Variants in NUP160 observed in about 807,000 individuals in gnomAD.
The protein encoded by NUP160 is nuclear pore complex protein Nup160.
In NUP160, 94 loss-of-function variants were observed where a neutral mutation model predicts 196.9. The ratio of observed to expected loss-of-function variants is 0.48; its 90% confidence interval spans 0.40 to 0.57. NUP160 has a LOEUF of 0.57. NUP160 is among the 20% of genes least tolerant of loss of function. The probability of loss-of-function intolerance (pLI) is 0.00; values close to 1 mark genes in which losing one functional copy is unlikely to be tolerated. For synonymous variants in NUP160, 605 were observed against 619.7 expected, an observed-to-expected ratio of 0.98 and a Z score of 0.35; for missense variants, 1,638 against 1,748.3, an observed-to-expected ratio of 0.94 and a Z score of 1.13.
chr11:47,841,617 G>A, intron 2 of NUP160: 1 of 429,368 alleles, frequency 2.3e-6, no homozygotes, highest in Non-Finnish European at 4.7e-6. Context: ...GGAAGGCCAT[G>A]TGATCCTGGA....
At chr11:47,783,244 C>G (rs746500475) in intron 33 of NUP160, 46 bp from the exon 34 acceptor site, 5 of 1,588,850 alleles carry the variant, frequency 3.1e-6, no homozygotes, top group Non-Finnish European at 3.4e-6. Flanking sequence ...TTCCCTCCTA[C>G]TTGAGTACTG....
At chr11:47,784,030 A>C (rs543301070) in intron 33 of NUP160, among the ~76,000 whole-genome samples, 372 of 151,684 alleles carry the variant, frequency 2.5e-3, no homozygotes, top group Middle Eastern at 0.014. Context: ...AAACAAAAAC[A>C]AAAAAAACAA....
intron 2 of NUP160, 21 bp downstream of exon 2, chr11:47,847,827 T>C (rs772801895): frequency 1.5e-5 from 24 of 1,567,168 alleles, no homozygotes; most frequent in African/African-American, 5.4e-5. Context: ...CCAGGGGAGT[T>C]TGGCGAACCA....
At chr11:47,848,402 C>G in exon 1 of NUP160, 1 of 1,591,098 alleles carries the variant, frequency 6.3e-7, no homozygotes, top group South Asian at 1.1e-5. Flanking sequence ...GCGGGCGGAG[C>G]TGCGGACAGG....
exon 5 of NUP160, chr11:47,837,616 C>T: frequency 6.2e-7 from 1 of 1,613,698 alleles, no homozygotes; most frequent in Non-Finnish European, 8.5e-7. Context: ...CCACGACTGA[C>T]ACCATACCTG....
chr11:47,795,674 TGATAATG>T (rs1447488556), intron 27 of NUP160, among the ~76,000 whole-genome samples: 1 of 152,162 alleles, frequency 6.6e-6, no homozygotes, highest in Non-Finnish European at 1.5e-5. Context: ...AATAATTCAT[TGATAATG>T]TAAGTCCAAA....
In NUP160 at chr11:47,782,208, C is replaced by T. The variant is rs867962498; in HGVS notation, c.4116+865G>A. 3.3e-5 allele frequency among the ~76,000 whole-genome samples: 5 copies of T among 149,504 alleles called. 1 individual carries two copies. The highest frequency in any genetic ancestry group is 2.1e-4 in the South Asian group (1 of 4,746). The stretch of plus-strand genomic sequence containing the variant: ...CTGAGGCAGGAGAATCACTTGAACC[C>T]GGGAGGCGGAGGCTGCAGTGAGGGA... On this transcript the variant is annotated intron_variant, in intron 34 of 35. Coordinates refer to ENST00000378460, the Ensembl canonical transcript of NUP160.
At chr11:47,799,263 T>C (rs2097672741) in intron 23 of NUP160, among the ~76,000 whole-genome samples, 1 of 151,924 alleles carries the variant, frequency 6.6e-6, no homozygotes, top group African/African-American at 2.4e-5. Context: ...TTTTTGTGTT[T>C]TTAGTAGAGA....
intron 2 of NUP160, among the ~76,000 whole-genome samples, chr11:47,842,856 T>A (rs1026675047): frequency 5.9e-5 from 9 of 152,120 alleles, no homozygotes; most frequent in Non-Finnish European, 7.4e-5. Context: ...GGCATGGTGA[T>A]GCCCGCCTGT....
At chr11:47,783,560 CATA>C (rs1299406133) in intron 33 of NUP160, among the ~76,000 whole-genome samples, 3 of 152,130 alleles carry the variant, frequency 2.0e-5, no homozygotes, top group Admixed American at 1.3e-4. Context: ...AATATATTCA[CATA>C]ATAAGAAATA....
At chr11:47,811,177 G>C (rs901658457) in intron 17 of NUP160, among the ~76,000 whole-genome samples, 2 of 152,128 alleles carry the variant, frequency 1.3e-5, no homozygotes, top group African/African-American at 4.8e-5. Flanking sequence ...AGATAAACCT[G>C]CATCTCAAAA....
At chr11:47,794,065 C>T (rs1218279370) in intron 27 of NUP160, among the ~76,000 whole-genome samples, 1 of 151,994 alleles carries the variant, frequency 6.6e-6, no homozygotes, top group African/African-American at 2.4e-5. Flanking sequence ...TGGTGGTTGC[C>T]AGGGAATCGG....
At chr11:47,831,940 T>C (rs1435514226) in intron 7 of NUP160, among the ~76,000 whole-genome samples, 1 of 121,548 alleles carries the variant, frequency 8.2e-6, no homozygotes. Flanking sequence ...TCTCGGTCTG[T>C]CACCAGGCTG....
intron 2 of NUP160, among the ~76,000 whole-genome samples, chr11:47,844,445 T>G (rs1013130182): frequency 3.3e-5 from 5 of 152,152 alleles, no homozygotes; most frequent in African/African-American, 1.2e-4. Context: ...TATTCTACCC[T>G]TTGTTCACTC....
chr11:47,836,982 C>G (rs1852188839), exon 6 of NUP160: 1 of 1,612,360 alleles, frequency 6.2e-7, no homozygotes, highest in African/African-American at 1.3e-5. Context: ...AGGGGACGAT[C>G]TGAAGGCGAC....
intron 11 of NUP160, 73 bp from the exon 12 acceptor site, chr11:47,816,102 CAT>C (rs2097684280): frequency 2.0e-6 from 2 of 1,004,164 alleles, no homozygotes; most frequent in South Asian, 2.7e-5. Context: ...GTTTAGAAGA[CAT>C]AGAGGCAATA....
intron 28 of NUP160, 55 bp downstream of exon 28, chr11:47,792,731 A>G: frequency 6.8e-7 from 1 of 1,468,862 alleles, no homozygotes; most frequent in Non-Finnish European, 9.2e-7. Flanking sequence ...CAAAACAAGT[A>G]GATTTACTTG....
Position 47,819,253 on chromosome 11 carries a change from C to T in NUP160, c.1362+121G>A, listed in dbSNP as rs1460601241. 5.2e-5 allele frequency: 34 copies of T among 657,718 alleles called. No homozygotes were observed. In the Admixed American group the frequency reaches 7.9e-4, roughly 15 times the overall value. The allele number at this position is 657,718 out of a possible 1,614,324, so 40.7% of individuals were successfully genotyped here. A position where few individuals can be genotyped will look rare whatever the true frequency, so the allele number is the denominator to read the frequency against. On this transcript the variant is annotated intron_variant, in intron 10 of 35. Coordinates refer to ENST00000378460, the Ensembl canonical transcript of NUP160. ...GCTTGAACCTGGGAGGCAGAGGTTG[C>T]AGTGAGCCAAGATCATGCCACTGTA... is the stretch of plus-strand genomic sequence containing the variant.
At chr11:47,795,029 A>G (rs1441201215) in intron 27 of NUP160, among the ~76,000 whole-genome samples, 1 of 151,992 alleles carries the variant, frequency 6.6e-6, no homozygotes. Context: ...TGAACCTGGA[A>G]GTGGAGGTTG....
Sources: gnomAD v4.1 joint callset for allele counts (sites outside exome capture counted in the v4.1 genomes callset) on GRCh38, gnomAD v4.1.1 for gene constraint, MANE v1.5 for transcripts, NCBI Gene and HGNC (gene_info 2026-07-23, HGNC 2026-07-21) for gene names.